Variants in MYO1E observed in about 807,000 individuals in gnomAD.
MYO1E encodes the protein unconventional myosin-Ie.
MYO1E carries 68 observed loss-of-function variants against 151.1 expected under a neutral mutation model. That is an observed-to-expected ratio of 0.45 (90% CI 0.37 to 0.55). The LOEUF (loss-of-function observed/expected upper bound fraction) is 0.55, where lower values mean the gene tolerates loss of function less well. Ranked by LOEUF, MYO1E falls within the 20% of genes least tolerant of loss-of-function variation. The pLI, the probability that MYO1E is intolerant of heterozygous loss-of-function variation, is 0.00. For synonymous variants in MYO1E, 601 were observed against 501.7 expected (o/e 1.20, Z -2.64); for missense variants, 1,363 against 1,389.3 (o/e 0.98, Z 0.30).
At chr15:59,155,347 T>C (rs2079503917) in intron 25 of MYO1E, among the ~76,000 whole-genome samples, 1 of 152,262 alleles carries the variant, frequency 6.6e-6, no homozygotes, top group African/African-American at 2.4e-5. Flanking sequence ...AATTCCATTC[T>C]TCTACTAATT....
chr15:59,205,374 T>G, intron 15 of MYO1E, 26 bp downstream of exon 15: 2 of 1,606,158 alleles, frequency 1.2e-6, no homozygotes, highest in Non-Finnish European at 1.7e-6. Flanking sequence ...CTATATCCCC[T>G]GTCAGCTATG....
At chr15:59,151,063 ACGTG>A (rs1555407047) in intron 26 of MYO1E, among the ~76,000 whole-genome samples, 1 of 140,110 alleles carries the variant, frequency 7.1e-6, no homozygotes, top group Non-Finnish European at 1.5e-5. Flanking sequence ...GCGCGCGCGC[ACGTG>A]CACTTAGAGA....
chr15:59,158,326 T>C lies in MYO1E; in HGVS notation c.2839A>G (p.Asn947Asp), dbSNP rs1227299252. Reference sequence around the variant, plus strand: ...GCAGCTCTCACTGGGTAGTTGGCATTTTGAGTCCCACTGGAATAACCTGTA... The same window carrying C: ...GCAGCTCTCACTGGGTAGTTGGCATCTTGAGTCCCACTGGAATAACCTGTA... ...QNTGYSSGTQ[N>D]ANYPVRAAPP... is the part of the protein sequence containing the mutation. The change falls in exon 25 of 28, where the codon AAT becomes GAT. Residue 947 changes from asparagine to aspartate, a missense_variant. Asn to Asp is a conservative substitution (Grantham distance 23). Coordinates refer to ENST00000288235, the MANE Select transcript of MYO1E (RefSeq NM_004998.4). 2 of 1,578,234 alleles carry C rather than the reference T, an allele frequency of 1.3e-6. No individual in the cohort carries two copies. The highest frequency in any genetic ancestry group is 1.7e-6 in the Non-Finnish European group (2 of 1,159,818).
chr15:59,322,764 GTTTT>G (rs1173574917), intron 1 of MYO1E, among the ~76,000 whole-genome samples: 1 of 151,778 alleles, frequency 6.6e-6, no homozygotes, highest in Admixed American at 6.6e-5. Flanking sequence ...GAGTTTGTTT[GTTTT>G]TTTTCCATTT....
At chr15:59,253,716 G>A (rs992062344) in intron 4 of MYO1E, among the ~76,000 whole-genome samples, 1 of 151,872 alleles carries the variant, frequency 6.6e-6, no homozygotes, top group Non-Finnish European at 1.5e-5. Context: ...TCCTGACCTC[G>A]TAATCTGCCC....
chr15:59,333,732 A>T (rs11637840), intron 1 of MYO1E, among the ~76,000 whole-genome samples: 122,558 of 152,192 alleles, frequency 0.81, 50,260 homozygotes, highest in Non-Finnish European at 0.89. Flanking sequence ...CTAGTTTTTC[A>T]TGCTTTTTTC....
chr15:59,355,205 C>T (rs1282073130), intron 1 of MYO1E, among the ~76,000 whole-genome samples: 5 of 152,124 alleles, frequency 3.3e-5, no homozygotes, highest in African/African-American at 9.7e-5. Context: ...CCCTCTCCGT[C>T]GTGACTTTCC....
In MYO1E at chr15:59,256,294, C is replaced by A; in HGVS notation, c.322G>T (p.Val108Phe). 1 of 1,597,628 alleles carries A rather than the reference C, an allele frequency of 6.3e-7. No individual in the cohort carries two copies. Among genetic ancestry groups the A allele is most frequent in the Non-Finnish European group, 8.6e-7 (1 of 1,165,324 alleles). The stretch of plus-strand genomic sequence containing the variant: ...GGATCTTCTTCATACCTGATAATGA[C>A]GCACTGGTTCTCTCTGTCAATGATC... ...NMIIDRENQC[V>F]IISGESGAGK... The change falls in exon 4 of 28, where the codon GTC becomes TTC. Residue 108 changes from valine (V) to phenylalanine (F), a missense_variant. Coordinates refer to ENST00000288235, the MANE Select transcript of MYO1E (RefSeq NM_004998.4).
intron 2 of MYO1E, among the ~76,000 whole-genome samples, 189 bp from the exon 3 acceptor site, chr15:59,261,698 G>A (rs917154357): frequency 6.6e-6 from 1 of 152,072 alleles, no homozygotes; most frequent in East Asian, 1.9e-4. Context: ...TCCTCCTAAG[G>A]AAGAGTAATA....
intron 1 of MYO1E, among the ~76,000 whole-genome samples, chr15:59,282,899 G>A (rs867730761): frequency 0.12 from 23 of 186 alleles, 7 homozygotes; most frequent in African/African-American, 0.29. Context: ...AGGGGGGAGG[G>A]GGGGAGGGGG....
At chr15:59,348,230 C>A (rs553531449) in intron 1 of MYO1E, among the ~76,000 whole-genome samples, 3 of 152,158 alleles carry the variant, frequency 2.0e-5, no homozygotes, top group East Asian at 1.9e-4. Flanking sequence ...CAAAGGCTTA[C>A]CTTTTGTAAA....
intron 2 of MYO1E, among the ~76,000 whole-genome samples, chr15:59,268,132 C>A (rs1383305536): frequency 6.6e-6 from 1 of 152,238 alleles, no homozygotes. Flanking sequence ...CCAACTCTTA[C>A]TTACAGTAAT....
At chr15:59,366,640 G>C (rs1027965242) in intron 1 of MYO1E, among the ~76,000 whole-genome samples, 23 of 152,130 alleles carry the variant, frequency 1.5e-4, no homozygotes, top group Non-Finnish European at 2.8e-4. Context: ...TCTATGGGTT[G>C]TCAAAGTTCA....
At chr15:59,253,957 T>TA (rs1205361207) in intron 4 of MYO1E, among the ~76,000 whole-genome samples, 1 of 150,100 alleles carries the variant, frequency 6.7e-6, no homozygotes, top group Non-Finnish European at 1.5e-5. Flanking sequence ...GGAAAATTGT[T>TA]AAAGACCGAG....
At chr15:59,366,963 C>A (rs898227970) in intron 1 of MYO1E, among the ~76,000 whole-genome samples, 7 of 105,428 alleles carry the variant, frequency 6.6e-5, no homozygotes, top group Admixed American at 1.1e-4. Context: ...ATTTTAATCA[C>A]AGATTGGTAA....
Position 59,171,918 on chromosome 15 carries a change from C to T in MYO1E, c.2459G>A (p.Arg820Gln), listed in dbSNP as rs188248622. The stretch of plus-strand genomic sequence containing the variant: ...TCACCTGAGGGACACAGACAAGATC[C>T]GTTCTATCTCGATTTTCCGCTTCAG... Reference protein sequence around the residue: ...EVLKRKIEIERILSVSLSTMQ... With the variant: ...EVLKRKIEIEQILSVSLSTMQ... Residue 820 changes from arginine to glutamine, a missense_variant, in exon 22 of 28, where the codon CGG becomes CAG. Coordinates refer to ENST00000288235, the MANE Select transcript of MYO1E (RefSeq NM_004998.4). 9.0e-5 allele frequency: 145 copies of T among 1,614,216 alleles called. 1 individual carries two copies. In the Admixed American group the frequency reaches 2.0e-3, roughly 22 times the overall value.
intron 4 of MYO1E, among the ~76,000 whole-genome samples, chr15:59,253,392 G>C (rs553868853): frequency 6.6e-6 from 1 of 152,040 alleles, no homozygotes; most frequent in Admixed American, 6.5e-5. Flanking sequence ...CTGACAATCT[G>C]GACACACGAA....
intron 18 of MYO1E, 125 bp from the exon 19 acceptor site, chr15:59,178,662 T>C: frequency 1.5e-6 from 2 of 1,293,046 alleles, no homozygotes; most frequent in South Asian, 2.9e-5. Context: ...GATCATCTGT[T>C]TACCAGCGTT....
intron 17 of MYO1E, among the ~76,000 whole-genome samples, chr15:59,193,166 C>G (rs2079744553): frequency 6.6e-6 from 1 of 150,954 alleles, no homozygotes; most frequent in Non-Finnish European, 1.5e-5. Flanking sequence ...CATTCATGGG[C>G]CCCACCTGAG....
Sources: gnomAD v4.1 joint callset for allele counts (sites outside exome capture counted in the v4.1 genomes callset) on GRCh38, gnomAD v4.1.1 for gene constraint, MANE v1.5 for transcripts, NCBI Gene and HGNC (gene_info 2026-07-23, HGNC 2026-07-21) for gene names.